Variants in STK24 observed in about 807,000 individuals in gnomAD.
STK24 encodes the protein serine/threonine-protein kinase 24.
STK24 carries 21 observed loss-of-function variants against 55.6 expected under a neutral mutation model. That is an observed-to-expected ratio of 0.38 (90% confidence interval 0.27 to 0.54). The LOEUF is 0.54. Ranked by LOEUF, STK24 falls within the 20% of genes least tolerant of loss-of-function variation. The pLI is 0.79. For missense variants in STK24, 383 were observed against 538.4 expected (o/e 0.71, Z 2.86); for synonymous variants, 200 against 215.2 (o/e 0.93, Z 0.62).
intron 1 of STK24, among the ~76,000 whole-genome samples, chr13:98,531,938 C>A (rs1237842420): frequency 6.6e-6 from 1 of 152,174 alleles, no homozygotes; most frequent in African/African-American, 2.4e-5. Flanking sequence ...CAGGGCCGAC[C>A]CTCCCTGCTG....
intron 5 of STK24, among the ~76,000 whole-genome samples, chr13:98,468,145 G>C (rs539244822): frequency 9.2e-5 from 14 of 152,202 alleles, no homozygotes; most frequent in Non-Finnish European, 2.1e-4. Context: ...GTGAGTACCA[G>C]AAATCCCTAC....
At position 98,466,615 on chromosome 13, in the gene STK24, A is replaced by C. The variant is rs1188545765; in HGVS notation, c.598-54T>G. 8.9e-6 allele frequency: 14 copies of C among 1,580,324 alleles called. No individual in the cohort carries two copies. The Admixed American group carries it at 2.4e-4, about 27-fold the overall frequency. On this transcript the variant is annotated intron_variant, in intron 5 of 10. Transcript: ENST00000539966. The stretch of plus-strand genomic sequence containing the variant: ...ACCAAGCAGGAATCTATTCCAATAC[A>C]CAGTATTTAGGGGGAAAATGGTAAC...
chr13:98,506,693 T>G (rs141995700), intron 2 of STK24, among the ~76,000 whole-genome samples: 69 of 152,282 alleles, frequency 4.5e-4, no homozygotes, highest in African/African-American at 1.6e-3. Flanking sequence ...CAATTCAAAT[T>G]CAATCATTTA....
At chr13:98,467,161 A>T (rs1274266200) in intron 5 of STK24, among the ~76,000 whole-genome samples, 1 of 152,238 alleles carries the variant, frequency 6.6e-6, no homozygotes, top group Non-Finnish European at 1.5e-5. Flanking sequence ...ATGTTCAAAC[A>T]TACAAAGAAC....
rs1261867522 is a variant in STK24, at chr13:98,522,142, G to A, written c.43-2669C>T. On this transcript the variant is annotated intron_variant, in intron 1 of 10. Transcript: ENST00000539966. ...GTCGTGTCTGAGCCTTGTCAACCAC[G>A]CCCTCCCCCTCCTCTGGGTAACTTT... The A allele has an allele frequency of 1.2e-5, 15 of 1,208,914 alleles. No homozygotes were observed. The East Asian group carries it at 3.5e-4, about 28-fold the overall frequency. 74.9% of individuals were successfully genotyped at this position (1,208,914 alleles called of 1,614,324 possible).
At chr13:98,532,104 G>A (rs751631940) in intron 1 of STK24, among the ~76,000 whole-genome samples, 12 of 151,952 alleles carry the variant, frequency 7.9e-5, no homozygotes, top group Non-Finnish European at 1.5e-4. Flanking sequence ...TCTCACACGC[G>A]GCCAAGGTTG....
At chr13:98,505,711 C>T (rs1175596147) in intron 2 of STK24, among the ~76,000 whole-genome samples, 1 of 152,190 alleles carries the variant, frequency 6.6e-6, no homozygotes, top group African/African-American at 2.4e-5. Context: ...CTGCAGTGAC[C>T]AACAGCCACC....
At chr13:98,460,501 T>C (rs4772084) in intron 8 of STK24, 61 bp from the exon 9 acceptor site, 1,201,764 of 1,440,156 alleles carry the variant, frequency 0.83, 510,587 homozygotes, top group Non-Finnish European at 0.89. Context: ...GGCAATAATT[T>C]AATAAACCTC....
intron 2 of STK24, among the ~76,000 whole-genome samples, chr13:98,500,088 AC>A (rs1272390287): frequency 6.6e-6 from 1 of 152,130 alleles, no homozygotes; most frequent in Non-Finnish European, 1.5e-5. Flanking sequence ...CTCAAATCCC[AC>A]TGCATCACTC....
chr13:98,491,501 A>C (rs1344113438), intron 2 of STK24, among the ~76,000 whole-genome samples: 5 of 152,196 alleles, frequency 3.3e-5, no homozygotes, highest in Non-Finnish European at 5.9e-5. Context: ...CTGAAATAAC[A>C]CAAAGAGGAA....
chr13:98,516,222 C>A (rs1372771335), intron 2 of STK24, among the ~76,000 whole-genome samples: 1 of 152,208 alleles, frequency 6.6e-6, no homozygotes, highest in Non-Finnish European at 1.5e-5. Flanking sequence ...ATGTATGTAG[C>A]CAAATAAGAC....
chr13:98,531,594 C>T (rs995927109), intron 1 of STK24, among the ~76,000 whole-genome samples: 12 of 152,190 alleles, frequency 7.9e-5, no homozygotes, highest in Non-Finnish European at 1.5e-4. Flanking sequence ...ACCGGAGAAA[C>T]ATCAAGCTCC....
chr13:98,568,049 G>C (rs145899135), intron 1 of STK24, among the ~76,000 whole-genome samples: 393 of 151,766 alleles, frequency 2.6e-3, no homozygotes, highest in African/African-American at 9.2e-3. Context: ...GCCCAGGCTG[G>C]AGTGCAATGG....
intron 10 of STK24, chr13:98,456,550 C>A: frequency 2.0e-6 from 1 of 507,834 alleles, no homozygotes; most frequent in East Asian, 6.0e-5. Context: ...GCTTGGTTCC[C>A]ATGGATACTC....
At chr13:98,509,309 A>T (rs2139361835) in intron 2 of STK24, among the ~76,000 whole-genome samples, 1 of 152,334 alleles carries the variant, frequency 6.6e-6, no homozygotes, top group South Asian at 2.1e-4. Flanking sequence ...GTTGCCAAGA[A>T]CGTAGACAAA....
intron 1 of STK24, among the ~76,000 whole-genome samples, chr13:98,541,993 A>G (rs1896900791): frequency 6.6e-6 from 1 of 152,238 alleles, no homozygotes; most frequent in Non-Finnish European, 1.5e-5. Flanking sequence ...GGCACAGATC[A>G]AAGGACACAG....
At chr13:98,506,966 AC>A (rs1386261563) in intron 2 of STK24, among the ~76,000 whole-genome samples, 2 of 152,198 alleles carry the variant, frequency 1.3e-5, no homozygotes, top group East Asian at 3.9e-4. Context: ...GGGGAACCTC[AC>A]TGGACACATG....
At chr13:98,507,717 T>C (rs2139358712) in intron 2 of STK24, among the ~76,000 whole-genome samples, 1 of 152,298 alleles carries the variant, frequency 6.6e-6, no homozygotes, top group South Asian at 2.1e-4. Flanking sequence ...CCTGGCTTCA[T>C]TCCCAGCCAG....
At chr13:98,510,228 T>TC (rs1358958145) in intron 2 of STK24, among the ~76,000 whole-genome samples, 1 of 152,158 alleles carries the variant, frequency 6.6e-6, no homozygotes, top group Non-Finnish European at 1.5e-5. Context: ...TAAACAAGTT[T>TC]CCCGAGTCGG....
Sources: gnomAD v4.1 joint callset for allele counts (sites outside exome capture counted in the v4.1 genomes callset) on GRCh38, gnomAD v4.1.1 for gene constraint, MANE v1.5 for transcripts, NCBI Gene and HGNC (gene_info 2026-07-23, HGNC 2026-07-21) for gene names.